The following SLC24A3 variants were observed in gnomAD, a reference collection of about 807,000 sequenced individuals.
The protein encoded by SLC24A3 is solute carrier family 24 member 3.
SLC24A3 carries 28 observed loss-of-function variants against 75.8 expected under a neutral mutation model. The ratio of observed to expected loss-of-function variants is 0.37; its 90% CI spans 0.27 to 0.51. The LOEUF (loss-of-function observed/expected upper bound fraction) is 0.51, where lower values mean the gene tolerates loss of function less well. Ranked by LOEUF, SLC24A3 falls within the 20% of genes least tolerant of loss-of-function variation. The pLI is 0.94. For missense variants in SLC24A3, 663 were observed against 847.8 expected, an observed-to-expected ratio of 0.78 and a Z score of 2.71; for synonymous variants, 372 against 334.1, an observed-to-expected ratio of 1.11 and a Z score of -1.24.
chr20:19,472,891 G>A (rs564534521), intron 2 of SLC24A3, among the ~76,000 whole-genome samples: 54 of 152,342 alleles, frequency 3.5e-4, no homozygotes, highest in African/African-American at 1.3e-3. Flanking sequence ...GCTGCATACA[G>A]GGCCGGCATC....
intron 9 of SLC24A3, 122 bp downstream of exon 9, chr20:19,673,776 C>T (rs2032494727): frequency 1.3e-6 from 1 of 759,322 alleles, no homozygotes; most frequent in African/African-American, 1.7e-5. Flanking sequence ...ATCACAGTCA[C>T]TTGGCTCCCT....
intron 2 of SLC24A3, among the ~76,000 whole-genome samples, chr20:19,371,963 G>A (rs1985999542): frequency 6.6e-6 from 1 of 152,144 alleles, no homozygotes; most frequent in South Asian, 2.1e-4. Flanking sequence ...GCAGCAGTGA[G>A]GCAAGATGGT....
Position 19,235,326 on chromosome 20 carries a change from G to A in SLC24A3, c.142+22342G>A, listed in dbSNP as rs6112266. Among the ~76,000 whole-genome samples the A allele has an allele frequency of 3.6e-3, 542 of 152,262 alleles. 5 individuals carry two copies. The highest frequency in any genetic ancestry group is 0.012 in the African/African-American group (511 of 41,548). ...TAAGGTGAGGTAGGGTGGTGCTGTC[G>A]CCAGTTTGTACAAAGGACCAGCTGC... On this transcript the variant is annotated intron_variant, in intron 1 of 16. Transcript: ENST00000328041.
chr20:19,485,109 T>C (rs1988110456), intron 2 of SLC24A3, among the ~76,000 whole-genome samples: 1 of 152,186 alleles, frequency 6.6e-6, no homozygotes, highest in East Asian at 1.9e-4. Flanking sequence ...TTGGATAGTA[T>C]TTTATTTCTG....
At chr20:19,597,322 G>A (rs1443665706) in intron 6 of SLC24A3, among the ~76,000 whole-genome samples, 3 of 152,156 alleles carry the variant, frequency 2.0e-5, no homozygotes, top group Admixed American at 6.5e-5. Flanking sequence ...GGGTAGTTGA[G>A]GCTGCAGTGA....
chr20:19,424,491 A>G (rs538512874), intron 2 of SLC24A3, among the ~76,000 whole-genome samples: 16 of 152,162 alleles, frequency 1.1e-4, no homozygotes, highest in African/African-American at 3.9e-4. Flanking sequence ...GGAGTTCAAG[A>G]CCAGCCTGGC....
chr20:19,436,640 T>C (rs6081599), intron 2 of SLC24A3, among the ~76,000 whole-genome samples: 82,689 of 152,114 alleles, frequency 0.54, 24,265 homozygotes, highest in East Asian at 0.92. Flanking sequence ...TGTGTATTCA[T>C]GTATCTGCTT....
In SLC24A3 at chr20:19,268,487, G is replaced by A. The variant is rs149744402; in HGVS notation, c.143-12472G>A. 7.1e-3 allele frequency among the ~76,000 whole-genome samples: 1,074 copies of A among 152,228 alleles called. 13 individuals are homozygous for A. Among genetic ancestry groups the A allele is most frequent in the African/African-American group, 0.025 (1,025 of 41,530 alleles). On this transcript the variant is annotated intron_variant, in intron 1 of 16. Transcript: ENST00000328041. ...TAAAAAAGACTCTTAAAGTCCAAAC[G>A]CAAAGGACCTTAGAGGTCAGCTCAT...
At chr20:19,235,937 A>G (rs1030345087) in intron 1 of SLC24A3, among the ~76,000 whole-genome samples, 1 of 152,210 alleles carries the variant, frequency 6.6e-6, no homozygotes, top group Non-Finnish European at 1.5e-5. Flanking sequence ...AACAGCATGA[A>G]CGCTGGGTGA....
chr20:19,422,784 A>G (rs570092094), intron 2 of SLC24A3, among the ~76,000 whole-genome samples: 1 of 152,326 alleles, frequency 6.6e-6, no homozygotes, highest in South Asian at 2.1e-4. Flanking sequence ...TATTTTAGCA[A>G]TCAGGAAGGA....
chr20:19,492,555 T>C (rs1198936984), intron 2 of SLC24A3, among the ~76,000 whole-genome samples: 3 of 152,184 alleles, frequency 2.0e-5, no homozygotes, highest in Admixed American at 2.0e-4. Context: ...TGTGGTAGAA[T>C]CCCACTCACT....
intron 2 of SLC24A3, among the ~76,000 whole-genome samples, chr20:19,442,195 GT>G (rs1987309298): frequency 6.6e-6 from 1 of 152,146 alleles, no homozygotes; most frequent in Non-Finnish European, 1.5e-5. Flanking sequence ...GTGGATATAA[GT>G]TTTCAGCTCA....
chr20:19,227,069 T>C (rs900873157), intron 1 of SLC24A3, among the ~76,000 whole-genome samples: 1 of 152,216 alleles, frequency 6.6e-6, no homozygotes, highest in Non-Finnish European at 1.5e-5. Context: ...TTCCAGGAAT[T>C]GGAACAAATT....
At chr20:19,619,886 C>T (rs1430916328) in intron 6 of SLC24A3, among the ~76,000 whole-genome samples, 1 of 152,120 alleles carries the variant, frequency 6.6e-6, no homozygotes, top group East Asian at 1.9e-4. Flanking sequence ...TAAACTATGG[C>T]AAGGGAAAAT....
chr20:19,302,422 A>G (rs1048072152), intron 2 of SLC24A3, among the ~76,000 whole-genome samples: 1 of 152,262 alleles, frequency 6.6e-6, no homozygotes, highest in African/African-American at 2.4e-5. Context: ...ATTAATACAG[A>G]AAACTGTAAA....
chr20:19,352,716 T>C (rs1985598875), intron 2 of SLC24A3, among the ~76,000 whole-genome samples: 1 of 152,210 alleles, frequency 6.6e-6, no homozygotes, highest in East Asian at 1.9e-4. Flanking sequence ...GACACTTGTT[T>C]CAACATGTGA....
chr20:19,546,261 G>C (rs1310286567), intron 3 of SLC24A3, among the ~76,000 whole-genome samples: 1 of 148,252 alleles, frequency 6.7e-6, no homozygotes, highest in Non-Finnish European at 1.5e-5. Context: ...GGAGTATCTT[G>C]ATGCTATAAT....
intron 3 of SLC24A3, among the ~76,000 whole-genome samples, chr20:19,563,462 G>A (rs1050265991): frequency 5.3e-5 from 8 of 151,988 alleles, no homozygotes; most frequent in African/African-American, 1.9e-4. Flanking sequence ...GCTTGTGCCA[G>A]GGGAAATGAA....
chr20:19,472,027 A>T (rs1025889722), intron 2 of SLC24A3, among the ~76,000 whole-genome samples: 5 of 152,212 alleles, frequency 3.3e-5, no homozygotes, highest in African/African-American at 1.2e-4. Context: ...AATTTTTGCA[A>T]ATATTTAATG....
Sources: gnomAD v4.1 joint callset for allele counts (sites outside exome capture counted in the v4.1 genomes callset) on GRCh38, gnomAD v4.1.1 for gene constraint, MANE v1.5 for transcripts, NCBI Gene and HGNC (gene_info 2026-07-23, HGNC 2026-07-21) for gene names.